The following ADI1 variants were observed in gnomAD, a reference collection of about 807,000 sequenced individuals.
ADI1 encodes the protein acireductone dioxygenase.
A neutral mutation model predicts 18.7 loss-of-function variants in ADI1; 21 were observed. The ratio of observed to expected loss-of-function variants is 1.13; its 90% CI spans 0.80 to 1.62. ADI1 has a LOEUF of 1.62. Ranked by LOEUF, ADI1 falls within the 40% of genes most tolerant of loss-of-function variation. The probability of loss-of-function intolerance (pLI) is 0.00; values close to 1 mark genes in which losing one functional copy is unlikely to be tolerated. For synonymous variants in ADI1, 90 were observed against 100.1 expected (o/e 0.90, Z 0.60); for missense variants, 245 against 254.9 (o/e 0.96, Z 0.26).
chr2:3,504,152 A>T (rs1172861139), intron 2 of ADI1, among the ~76,000 whole-genome samples: 2 of 152,220 alleles, frequency 1.3e-5, no homozygotes, highest in Non-Finnish European at 2.9e-5. Flanking sequence ...GATTTCACCC[A>T]GGGCACGTTG....
At chr2:3,512,190 C>T (rs1233778736) in intron 2 of ADI1, among the ~76,000 whole-genome samples, 6 of 152,204 alleles carry the variant, frequency 3.9e-5, no homozygotes, top group Admixed American at 3.9e-4. Context: ...TGTAGAGCAA[C>T]GACTTCCTAG....
Position 3,503,347 on chromosome 2 carries a change from TCA to T in ADI1, c.241-2356_241-2355del, listed in dbSNP as rs1425901778. 1.2e-3 allele frequency among the ~76,000 whole-genome samples: 161 copies of T among 129,126 alleles called. 57 individuals carry two copies. The highest frequency in any genetic ancestry group is 5.2e-3 in the African/African-American group (147 of 28,270). 84.7% of individuals were successfully genotyped at this position (129,126 alleles called of 152,430 possible). Reference sequence around the variant, plus strand: ...CACACATGCACACATACACACGTACTCACACGCACATTCACACACATGCACAC... The same window carrying T: ...CACACATGCACACATACACACGTACTCACGCACATTCACACACATGCACAC... On this transcript the variant is annotated intron_variant, in intron 2 of 3. Transcript: ENST00000327435.
chr2:3,503,736 T>C (rs1022974427), intron 2 of ADI1, among the ~76,000 whole-genome samples: 7 of 152,088 alleles, frequency 4.6e-5, no homozygotes, highest in Admixed American at 2.6e-4. Context: ...GTCCAGAAAG[T>C]AATGGGCTGG....
intron 1 of ADI1, chr2:3,515,052 A>G (rs1572239666): frequency 2.0e-6 from 1 of 506,600 alleles, no homozygotes; most frequent in Non-Finnish European, 3.2e-6. Flanking sequence ...ATTGTAAAAC[A>G]TGTGTGTTTG....
intron 2 of ADI1, among the ~76,000 whole-genome samples, chr2:3,510,503 C>G (rs1667276275): frequency 6.6e-6 from 1 of 152,096 alleles, no homozygotes; most frequent in South Asian, 2.1e-4. Flanking sequence ...ATCAATGAAA[C>G]CTAAAGTTTT....
chr2:3,516,950 C>T, intron 1 of ADI1: 6 of 985,076 alleles, frequency 6.1e-6, no homozygotes, highest in Non-Finnish European at 7.2e-6. Context: ...AGGTCTCAAA[C>T]TTCTGGCTTC....
intron 1 of ADI1, among the ~76,000 whole-genome samples, chr2:3,518,279 T>C (rs1572241516): frequency 6.6e-6 from 1 of 152,222 alleles, no homozygotes; most frequent in South Asian, 2.1e-4. Flanking sequence ...AAATAGATTA[T>C]GCTGGAATAT....
At chr2:3,507,470 T>A (rs1271858780) in intron 2 of ADI1, among the ~76,000 whole-genome samples, 1 of 151,620 alleles carries the variant, frequency 6.6e-6, no homozygotes, top group African/African-American at 2.4e-5. Flanking sequence ...AGAAAAAGAA[T>A]TACATCAGAC....
rs750603366 is a variant in ADI1 at position 3,500,964 on chromosome 2, G to C, written c.270C>G (p.His90Gln). ...KIKMFYEEHL[H>Q]LDDEIRYILD... Reference sequence around the variant, plus strand: ...GGATGTAGCGGATCTCATCGTCCAAGTGCAAATGCTCCTCGTAGAACATCT... The same window carrying C: ...GGATGTAGCGGATCTCATCGTCCAACTGCAAATGCTCCTCGTAGAACATCT... The change falls in exon 3 of 4, where the codon CAC becomes CAG. Residue 90 changes from histidine (H) to glutamine (Q), a missense_variant. His to Gln is a conservative substitution (Grantham distance 24, BLOSUM62 0). Transcript: ENST00000327435. 1.2e-6 allele frequency: 2 copies of C among 1,612,762 alleles called. No homozygotes were observed. Among genetic ancestry groups the C allele is most frequent in the South Asian group, 2.2e-5 (2 of 90,898 alleles).
chr2:3,503,306 CTG>C (rs1427853654), intron 2 of ADI1, among the ~76,000 whole-genome samples: 2 of 85,784 alleles, frequency 2.3e-5, no homozygotes, highest in African/African-American at 1.9e-4. Flanking sequence ...CACATACACA[CTG>C]ACACGCACAT....
chr2:3,504,404 G>T (rs1018843292), intron 2 of ADI1, among the ~76,000 whole-genome samples: 3 of 152,214 alleles, frequency 2.0e-5, no homozygotes, highest in African/African-American at 7.2e-5. Flanking sequence ...TCAGCAGCAG[G>T]CCAGCCTCTG....
chr2:3,501,204 G>C (rs1359864354), intron 2 of ADI1, among the ~76,000 whole-genome samples: 1 of 152,196 alleles, frequency 6.6e-6, no homozygotes, highest in East Asian at 1.9e-4. Flanking sequence ...CAACAAATGG[G>C]CAGTAACTGA....
At chr2:3,512,407 T>C (rs1667309749) in intron 2 of ADI1, among the ~76,000 whole-genome samples, 1 of 152,166 alleles carries the variant, frequency 6.6e-6, no homozygotes, top group South Asian at 2.1e-4. Context: ...AAGGAGAGAA[T>C]GGTTTCATGG....
At chr2:3,516,909 CT>C (rs10656904) in intron 1 of ADI1, 9 of 984,848 alleles carry the variant, frequency 9.1e-6, no homozygotes, top group Non-Finnish European at 1.1e-5. Context: ...GTGTGTGTGG[CT>C]TTTTTGTTTT....
intron 3 of ADI1, 40 bp downstream of exon 3, chr2:3,500,774 C>T (rs1301724826): frequency 4.3e-6 from 7 of 1,611,608 alleles, no homozygotes; most frequent in Admixed American, 1.7e-5. Context: ...CCAGGGCCAC[C>T]ACACAGGCCG....
At chr2:3,514,903 C>T (rs772968814) in intron 1 of ADI1, 158 of 1,536,692 alleles carry the variant, frequency 1.0e-4, no homozygotes, top group Non-Finnish European at 1.3e-4. Context: ...GAAGATTTCA[C>T]GGACATCTAT....
At chr2:3,504,803 CTGAG>C (rs143492885) in intron 2 of ADI1, among the ~76,000 whole-genome samples, 3,844 of 151,874 alleles carry the variant, frequency 0.025, 176 homozygotes, top group African/African-American at 0.089. Flanking sequence ...GTTGGTTCAC[CTGAG>C]TATGTTTCTA....
intron 2 of ADI1, among the ~76,000 whole-genome samples, chr2:3,502,160 G>A (rs1376625301): frequency 2.0e-5 from 3 of 151,938 alleles, no homozygotes; most frequent in Admixed American, 6.6e-5. Context: ...CCAGTAGCTG[G>A]GACTACAGGC....
rs777339566 is a variant in ADI1, at chr2:3,519,391, G to A, written c.97C>T (p.Arg33Trp). Residue 33 changes from arginine (R) to tryptophan (W), a missense_variant, in exon 1 of 4, where the codon CGG becomes TGG. By Grantham distance (101) the Arg-to-Trp change is moderately radical. Coordinates refer to ENST00000327435, the MANE Select transcript of ADI1 (RefSeq NM_018269.4). Reference protein sequence around the residue: ...GRPVGLEQLRRLGVLYWKLDA... With the variant: ...GRPVGLEQLRWLGVLYWKLDA... ...ACCTTCCAGTAGAGCACCCCGAGCCGCCGCAGCTGCTCCAGGCCCACTGGG... is the reference window on the plus strand; with the variant it reads ...ACCTTCCAGTAGAGCACCCCGAGCCACCGCAGCTGCTCCAGGCCCACTGGG... 7.0e-7 allele frequency: 1 copy of A among 1,426,258 alleles called. No individual in the cohort carries two copies. 88.4% of individuals were successfully genotyped at this position (1,426,258 alleles called of 1,614,324 possible).
Sources: gnomAD v4.1 joint callset for allele counts (sites outside exome capture counted in the v4.1 genomes callset) on GRCh38, gnomAD v4.1.1 for gene constraint, MANE v1.5 for transcripts, NCBI Gene and HGNC (gene_info 2026-07-23, HGNC 2026-07-21) for gene names.